Variants in PRG4 observed in about 807,000 individuals in gnomAD.
PRG4 encodes proteoglycan 4, also known as articular superficial zone protein.
Under a neutral mutation model 91.2 loss-of-function variants are expected in PRG4, and 61 were observed. The observed-to-expected ratio is 0.67, with a 90% CI of 0.54 to 0.83. PRG4 has a LOEUF of 0.83. PRG4 is among the 40% of genes least tolerant of loss of function. The probability of loss-of-function intolerance (pLI) is 0.00; values close to 1 mark genes in which losing one functional copy is unlikely to be tolerated. For synonymous variants in PRG4, 576 were observed against 614.2 expected, an observed-to-expected ratio of 0.94 and a Z score of 0.92; for missense variants, 1,564 against 1,714.2, an observed-to-expected ratio of 0.91 and a Z score of 1.55.
intron 4 of PRG4, among the ~76,000 whole-genome samples, chr1:186,303,064 ACTAT>A (rs1178206652): frequency 6.6e-6 from 1 of 152,150 alleles, no homozygotes; most frequent in East Asian, 1.9e-4. Flanking sequence ...TAATAACCAA[ACTAT>A]CTTGAGATTC....
rs1248679140 is a variant in PRG4 at position 186,306,892 on chromosome 1, C to G, written c.1173C>G (p.Thr391=). ...PAPTTTKSAP[T]TPKEPAPTTT... The stretch of plus-strand genomic sequence containing the variant: ...CCACCACCACCAAGTCTGCACCCAC[C>G]ACTCCCAAGGAGCCTGCACCCACCA... The change falls in exon 7 of 13, where the codon ACC becomes ACG. Residue 391 remains threonine (T), a synonymous_variant. Coordinates refer to ENST00000445192, the MANE Select transcript of PRG4 (RefSeq NM_005807.6). 3.7e-6 allele frequency: 6 copies of G among 1,607,846 alleles called. No individual in the cohort carries two copies. Among genetic ancestry groups the G allele is most frequent in the Non-Finnish European group, 4.2e-6 (5 of 1,177,842 alleles).
rs566584087 is a variant in PRG4 at position 186,311,770 on chromosome 1, C to T, written c.3793+174C>T. 1,865 of 685,440 alleles carry T rather than the reference C, an allele frequency of 2.7e-3. 13 individuals are homozygous for T. Among genetic ancestry groups the T allele is most frequent in the Middle Eastern group, 5.3e-3 (13 of 2,458 alleles). 42.5% of individuals were successfully genotyped at this position (685,440 alleles called of 1,614,324 possible). On this transcript the variant is annotated intron_variant, in intron 10 of 12. Coordinates refer to ENST00000445192, the MANE Select transcript of PRG4 (RefSeq NM_005807.6). Reference sequence around the variant, plus strand: ...TCTTATTGCCCTCAATTTTTATTTTCATTTCTTCACAGGCAAGTCACAATT... The same window carrying T: ...TCTTATTGCCCTCAATTTTTATTTTTATTTCTTCACAGGCAAGTCACAATT...
At chr1:186,296,465 A>G (rs1375835989) in intron 1 of PRG4, among the ~76,000 whole-genome samples, 172 bp downstream of exon 1, 1 of 152,262 alleles carries the variant, frequency 6.6e-6, no homozygotes, top group East Asian at 1.9e-4. Flanking sequence ...AAGTTGGAAC[A>G]GTAACTCCAT....
At position 186,312,158 on chromosome 1, in the gene PRG4, ATTCT is replaced by A. The variant is rs749492772; in HGVS notation, c.3794-16_3794-13del. 6.2e-7 allele frequency: 1 copy of A among 1,609,484 alleles called. No homozygotes were observed. Among genetic ancestry groups the A allele is most frequent in the South Asian group, 1.1e-5 (1 of 90,986 alleles). On this transcript the variant is annotated splice_polypyrimidine_tract_variant and intron_variant, in intron 10 of 12. Transcript: ENST00000445192. ...AATTAATTTTCATTTTCCATGTGAT[ATTCT>A]AATACATAACAGGTGGCAGCATTCA...
In PRG4 at chr1:186,311,109, C is replaced by T. The variant is rs1284476784; in HGVS notation, c.3575C>T (p.Pro1192Leu). The T allele has an allele frequency of 3.1e-6, 5 of 1,612,856 alleles. No homozygotes were observed. Among genetic ancestry groups the T allele is most frequent in the Admixed American group, 3.3e-5 (2 of 59,998 alleles). The change falls in exon 9 of 13, where the codon CCT (proline) becomes CTT (leucine). Residue 1192 changes from proline to leucine, a missense_variant. Physicochemically the swap from Pro to Leu is moderately conservative, Grantham distance 98. This residue lies in a region of PRG4 where 1,079 missense variants were observed against 1,162.2 expected (regional missense o/e 0.93). Transcript: ENST00000445192. The part of the protein sequence containing the change: ...ARRITEVWGI[P>L]SPIDTVFTRC... ...AGAATTACTGAAGTTTGGGGTATTCCTTCCCCCATTGATACTGTTTTTACT... is the reference window on the plus strand; with the variant it reads ...AGAATTACTGAAGTTTGGGGTATTCTTTCCCCCATTGATACTGTTTTTACT...
Position 186,306,403 on chromosome 1 carries a change from T to C in PRG4, c.684T>C (p.Asn228=). The C allele has an allele frequency of 6.2e-7, 1 of 1,613,376 alleles. No homozygotes were observed. The highest frequency in any genetic ancestry group is 1.1e-5 in the South Asian group (1 of 91,072). The change falls in exon 7 of 13, where the codon AAT becomes AAC. Residue 228 remains asparagine (N), a synonymous_variant. Transcript: ENST00000445192. The part of the protein sequence containing the change: ...VVDEAGSGLD[N]GDFKVTTPDT... ...ATGAAGCTGGAAGTGGATTGGACAATGGTGACTTCAAGGTCACAACTCCTG... is the reference window on the plus strand; with the variant it reads ...ATGAAGCTGGAAGTGGATTGGACAACGGTGACTTCAAGGTCACAACTCCTG...
rs576185777 is a variant in PRG4 at position 186,303,898 on chromosome 1, C to T, written c.320-210C>T. 2.6e-5 allele frequency among the ~76,000 whole-genome samples: 4 copies of T among 152,184 alleles called. No individual in the cohort carries two copies. The East Asian group carries it at 5.8e-4, about 22-fold the overall frequency. ...TCTTCTGATTCCTGAGACTTTGCTC[C>T]CTGTCATAACTTACAACAATTTGAG... On this transcript the variant is annotated intron_variant, in intron 4 of 12. Coordinates refer to ENST00000445192, the MANE Select transcript of PRG4 (RefSeq NM_005807.6).
In PRG4 at chr1:186,306,598, T is replaced by C. The variant is rs147788980; in HGVS notation, c.879T>C (p.Asn293=). ...AAACTAAAGAAACTACTACAACAAATAAACAGACTTCAACTGATGGAAAAG... is the reference window on the plus strand; with the variant it reads ...AAACTAAAGAAACTACTACAACAAACAAACAGACTTCAACTGATGGAAAAG... ...TVETKETTTT[N]KQTSTDGKEK... Residue 293 remains asparagine, a synonymous_variant, in exon 7 of 13, where the codon AAT becomes AAC. Coordinates refer to ENST00000445192, the MANE Select transcript of PRG4 (RefSeq NM_005807.6). The C allele has an allele frequency of 2.5e-3, 3,956 of 1,613,406 alleles. 7 individuals carry two copies. The highest frequency in any genetic ancestry group is 3.0e-3 in the Non-Finnish European group (3,578 of 1,179,602).
In PRG4 at chr1:186,308,511, C is replaced by T. The variant is rs774423180; in HGVS notation, c.2792C>T (p.Thr931Ile). 1.2e-6 allele frequency: 2 copies of T among 1,613,780 alleles called. No homozygotes were observed. The highest frequency in any genetic ancestry group is 1.7e-6 in the Non-Finnish European group (2 of 1,180,020). ...GACTTACGTACTACACCTGAAACTA[C>T]AACTGCTGCACCTAAGATGACAAAA... ...ERDLRTTPET[T>I]TAAPKMTKET... The change falls in exon 7 of 13, where the codon ACA becomes ATA. Residue 931 changes from threonine (T) to isoleucine (I), a missense_variant. Around this residue, in one of 3 missense-constraint regions of PRG4, gnomAD observed 1,079 missense variants for 1,162.2 expected, o/e 0.93. Transcript: ENST00000445192.
chr1:186,301,800 C>T, intron 4 of PRG4, 89 bp downstream of exon 4: 1 of 1,479,082 alleles, frequency 6.8e-7, no homozygotes, highest in Non-Finnish European at 9.4e-7. Context: ...AACACGCAGT[C>T]CATCTTAGGC....
At chr1:186,309,657 A>C (rs1202793917) in intron 7 of PRG4, 136 bp from the exon 8 acceptor site, 4 of 699,092 alleles carry the variant, frequency 5.7e-6, no homozygotes, top group Non-Finnish European at 1.0e-5. Flanking sequence ...ATAACTATGC[A>C]AACAGGTCAA....
Position 186,314,050 on chromosome 1 carries a change from T to C in PRG4, c.*272T>C, listed in dbSNP as rs747108862. 1.6e-5 allele frequency: 25 copies of C among 1,602,402 alleles called. No individual in the cohort carries two copies. The highest frequency in any genetic ancestry group is 2.2e-5 in the South Asian group (2 of 90,176). On this transcript the variant is annotated 3_prime_UTR_variant, in exon 13 of 13. Transcript: ENST00000445192. ...ACCTGTAAAAGAAAAAAGAATCAAATTGAATATATCTTTTAAGAATTCAAA... is the reference window on the plus strand; with the variant it reads ...ACCTGTAAAAGAAAAAAGAATCAAACTGAATATATCTTTTAAGAATTCAAA...
At position 186,306,618 on chromosome 1, in the gene PRG4, G is replaced by A; in HGVS notation, c.899G>A (p.Gly300Glu). Reference sequence around the variant, plus strand: ...ACAAATAAACAGACTTCAACTGATGGAAAAGAGAAGACTACTTCCGCTAAA... The same window carrying A: ...ACAAATAAACAGACTTCAACTGATGAAAAAGAGAAGACTACTTCCGCTAAA... ...TTTNKQTSTD[G>E]KEKTTSAKET... Residue 300 changes from glycine (G) to glutamate (E), a missense_variant, in exon 7 of 13, where the codon GGA becomes GAA. Gly to Glu is a moderately conservative substitution (Grantham distance 98). Coordinates refer to ENST00000445192, the MANE Select transcript of PRG4 (RefSeq NM_005807.6). 2 of 1,613,482 alleles carry A rather than the reference G, an allele frequency of 1.2e-6. No homozygotes were observed. The highest frequency in any genetic ancestry group is 1.7e-6 in the Non-Finnish European group (2 of 1,179,628).
chr1:186,299,861 T>A (rs2102009349), intron 2 of PRG4, among the ~76,000 whole-genome samples: 1 of 152,310 alleles, frequency 6.6e-6, no homozygotes, highest in South Asian at 2.1e-4. Context: ...TTACTTTGCC[T>A]GGTTTTCAAA....
chr1:186,304,504 T>C (rs1417010657), intron 5 of PRG4, among the ~76,000 whole-genome samples: 1 of 152,170 alleles, frequency 6.6e-6, no homozygotes, highest in Non-Finnish European at 1.5e-5. Flanking sequence ...CAAATCTTAC[T>C]ATAAAAAACA....
At chr1:186,310,829 A>G (rs1490492056) in intron 8 of PRG4, among the ~76,000 whole-genome samples, 1 of 152,144 alleles carries the variant, frequency 6.6e-6, no homozygotes, top group Non-Finnish European at 1.5e-5. Context: ...TAAAGAAACT[A>G]GAAAACTAAA....
Position 186,306,586 on chromosome 1 carries a change from T to A in PRG4, c.867T>A (p.Thr289=). ...AGACAACAGTTGAAACTAAAGAAAC[T>A]ACTACAACAAATAAACAGACTTCAA... is the stretch of plus-strand genomic sequence containing the variant. The part of the protein sequence containing the change: ...NKETTVETKE[T]TTTNKQTSTD... The change falls in exon 7 of 13, where the codon ACT becomes ACA. Residue 289 remains threonine (T), a synonymous_variant. Coordinates refer to ENST00000445192, the MANE Select transcript of PRG4 (RefSeq NM_005807.6). 1 of 1,611,244 alleles carries A rather than the reference T, an allele frequency of 6.2e-7. No individual in the cohort carries two copies. The highest frequency in any genetic ancestry group is 8.5e-7 in the Non-Finnish European group (1 of 1,179,592).
Position 186,308,979 on chromosome 1 carries a change from T to C in PRG4, c.3260T>C (p.Leu1087Pro). 4 of 1,608,276 alleles carry C rather than the reference T, an allele frequency of 2.5e-6. No homozygotes were observed. The South Asian group carries it at 3.3e-5, about 13-fold the overall frequency. The change falls in exon 7 of 13, where the codon CTA (leucine) becomes CCA (proline). Residue 1087 changes from leucine to proline, a missense_variant. By Grantham distance (98) the Leu-to-Pro change is moderately conservative. Coordinates refer to ENST00000445192, the MANE Select transcript of PRG4 (RefSeq NM_005807.6). ...TRPNQTPNSK[L>P]VEVNPKSEDA... Reference sequence around the variant, plus strand: ...CCTAACCAAACTCCAAACTCCAAACTAGTTGAAGTAAATCCAAAGAGTGAA... The same window carrying C: ...CCTAACCAAACTCCAAACTCCAAACCAGTTGAAGTAAATCCAAAGAGTGAA...
intron 4 of PRG4, among the ~76,000 whole-genome samples, chr1:186,302,738 G>A (rs571129281): frequency 6.6e-6 from 1 of 152,288 alleles, no homozygotes; most frequent in Non-Finnish European, 1.5e-5. Flanking sequence ...GCCCCATGAT[G>A]AGTGACACAT....
Sources: gnomAD v4.1 joint callset for allele counts (sites outside exome capture counted in the v4.1 genomes callset) on GRCh38, gnomAD v4.1.1 for gene constraint, gnomAD v4.1.1 regional missense constraint, MANE v1.5 for transcripts, NCBI Gene and HGNC (gene_info 2026-07-23, HGNC 2026-07-21) for gene names.